Variants in ZNF195 observed in about 807,000 individuals in gnomAD.
The protein encoded by ZNF195 is zinc finger protein 195.
ZNF195 carries 11 observed loss-of-function variants against 19.5 expected under a neutral mutation model. The ratio of observed to expected loss-of-function variants is 0.57; its 90% CI spans 0.36 to 0.94. The LOEUF (loss-of-function observed/expected upper bound fraction) is 0.94, where lower values mean the gene tolerates loss of function less well. Ranked by LOEUF, ZNF195 falls within the 40% of genes least tolerant of loss-of-function variation. The pLI, the probability that ZNF195 is intolerant of heterozygous loss-of-function variation, is 0.01. For synonymous variants in ZNF195, 214 were observed against 248.1 expected (o/e 0.86, Z 1.29); for missense variants, 582 against 709.0 (o/e 0.82, Z 2.03).
chr11:3,376,943 AG>A (rs1184015320), intron 1 of ZNF195, among the ~76,000 whole-genome samples: 1 of 152,254 alleles, frequency 6.6e-6, no homozygotes, highest in African/African-American at 2.4e-5. Context: ...CATTCTCCAC[AG>A]CCATCCAAGA....
chr11:3,361,775 G>C lies in ZNF195; in HGVS notation c.341C>G (p.Pro114Arg). 7.9e-7 allele frequency: 1 copy of C among 1,261,042 alleles called. No individual in the cohort carries two copies. Among genetic ancestry groups the C allele is most frequent in the Non-Finnish European group, 1.1e-6 (1 of 949,928 alleles). 78.1% of individuals were successfully genotyped at this position (1,261,042 alleles called of 1,614,324 possible). ...GITGVNHRAQ[P>R]GLNVSVDKFT... ...TTTGTCCACAGAAACATTGAGGCCTGGCTGGGCACGGTGGTTCACACCTGT... is the reference window on the plus strand; with the variant it reads ...TTTGTCCACAGAAACATTGAGGCCTCGCTGGGCACGGTGGTTCACACCTGT... Residue 114 changes from proline to arginine, a missense_variant, in exon 4 of 6, where the codon CCA becomes CGA. Pro to Arg is a moderately radical substitution (Grantham distance 103). Coordinates refer to ENST00000399602, the MANE Select transcript of ZNF195 (RefSeq NM_001130520.3).
chr11:3,373,811 G>A, intron 1 of ZNF195: 1 of 572,886 alleles, frequency 1.7e-6, no homozygotes, highest in Admixed American at 3.1e-5. Context: ...TCTACATGGA[G>A]ATCAAAATGT....
At chr11:3,362,636 TCAAAGCTTATTATA>T (rs1360982143) in intron 3 of ZNF195, 1 of 541,466 alleles carries the variant, frequency 1.8e-6, no homozygotes, top group Non-Finnish European at 3.3e-6. Flanking sequence ...TTAAAAAGAG[TCAAAGCTTATTATA>T]CAAAGTACAA....
rs761024277 is a variant in ZNF195, at chr11:3,359,523, C to A, written c.1485G>T (p.Thr495=). ...TAAAGATGTTGCCACATTCTTCACA[C>A]GTGTAGGGTTTTTCTTCAGAATGAG... ...KRTHSEEKPY[T]CEECGNIFKQ... The change falls in exon 6 of 6, where the codon ACG becomes ACT. Residue 495 remains threonine (T), a synonymous_variant. Transcript: ENST00000399602. The surrounding 1 kb of genome is among the most constrained non-coding windows in gnomAD (Gnocchi z 5.5). 1 of 1,614,026 alleles carries A rather than the reference C, an allele frequency of 6.2e-7. No homozygotes were observed. Among genetic ancestry groups the A allele is most frequent in the South Asian group, 1.1e-5 (1 of 91,076 alleles).
intron 1 of ZNF195, among the ~76,000 whole-genome samples, chr11:3,375,852 T>C (rs1849436510): frequency 1.3e-5 from 2 of 152,172 alleles, no homozygotes; most frequent in African/African-American, 4.8e-5. Context: ...ATAGACCGTT[T>C]TGTCAGCCTG....
At chr11:3,378,883 G>A (rs1849607411) in intron 1 of ZNF195, among the ~76,000 whole-genome samples, 155 bp downstream of exon 1, 1 of 152,172 alleles carries the variant, frequency 6.6e-6, no homozygotes, top group South Asian at 2.1e-4. Flanking sequence ...GGATGCGCCG[G>A]GGCGCGCGGG....
rs1370312537 is a variant in ZNF195 at position 3,359,605 on chromosome 11, C to T, written c.1403G>A (p.Cys468Tyr). 11 of 1,613,802 alleles carry T rather than the reference C, an allele frequency of 6.8e-6. No homozygotes were observed. The highest frequency in any genetic ancestry group is 9.3e-6 in the Non-Finnish European group (11 of 1,179,984). ...TCTGAAGACCTTCCCACATTCTTCACATTGGTAGGGTTTCTCTCCGGTGTG... is the reference window on the plus strand; with the variant it reads ...TCTGAAGACCTTCCCACATTCTTCATATTGGTAGGGTTTCTCTCCGGTGTG... ...RIHTGEKPYQ[C>Y]EECGKVFRTC... Residue 468 changes from cysteine (C) to tyrosine (Y), a missense_variant, in exon 6 of 6, where the codon TGT becomes TAT. Around this residue, in one of 3 missense-constraint regions of ZNF195, gnomAD observed 407 missense variants for 530.5 expected, o/e 0.77. Transcript: ENST00000399602. The surrounding 1 kb of genome is among the most constrained non-coding windows in gnomAD (Gnocchi z 5.5).
At chr11:3,373,526 G>A in intron 1 of ZNF195, 1 of 1,410,078 alleles carries the variant, frequency 7.1e-7, no homozygotes, top group Non-Finnish European at 9.8e-7. Flanking sequence ...CTAAACACAT[G>A]ACATTTCAGG....
In ZNF195 at chr11:3,360,054, A is replaced by G. The variant is rs767993775; in HGVS notation, c.954T>C (p.Asn318=). 1.1e-5 allele frequency: 17 copies of G among 1,613,950 alleles called. No individual in the cohort carries two copies. Among genetic ancestry groups the G allele is most frequent in the African/African-American group, 5.3e-5 (4 of 74,912 alleles). Residue 318 remains asparagine, a synonymous_variant, in exon 6 of 6, where the codon AAT becomes AAC. Transcript: ENST00000399602. The part of the protein sequence containing the change: ...VIKTCSVLTK[N]RIYAGGEHYR... ...AATGTTCCCCTCCGGCATAAATTCT[A>G]TTTTTAGTAAGGACTGAGCAAGTTT...
At chr11:3,376,218 CTGGCG>C (rs1246124196) in intron 1 of ZNF195, among the ~76,000 whole-genome samples, 1 of 152,062 alleles carries the variant, frequency 6.6e-6, no homozygotes, top group Non-Finnish European at 1.5e-5. Context: ...TGTGAGCAGT[CTGGCG>C]CACCCGCAGG....
Position 3,371,911 on chromosome 11 carries a change from A to G in ZNF195, c.4-208T>C, listed in dbSNP as rs372300137. Among the ~76,000 whole-genome samples the G allele has an allele frequency of 9.2e-5, 14 of 152,368 alleles. No individual in the cohort carries two copies. The East Asian group carries it at 1.5e-3, about 17-fold the overall frequency. On this transcript the variant is annotated intron_variant, in intron 1 of 5. Coordinates refer to ENST00000399602, the MANE Select transcript of ZNF195 (RefSeq NM_001130520.3). ...AATACTTTTCTGGTTGATAACAAGT[A>G]TAACATTAAGGGCATCAACAAAGGC...
chr11:3,361,720 G>C (rs573773276), intron 4 of ZNF195, 23 bp downstream of exon 4: 1 of 1,300,426 alleles, frequency 7.7e-7, no homozygotes, highest in African/African-American at 1.5e-5. Context: ...TGAAAAGCAA[G>C]GTACATGCTC....
chr11:3,360,843 C>G (rs1429766804), intron 4 of ZNF195, 55 bp from the exon 5 acceptor site: 2 of 1,463,288 alleles, frequency 1.4e-6, no homozygotes, highest in Non-Finnish European at 1.9e-6. Context: ...CTGCAGCCCC[C>G]GCTCCTCCGC....
chr11:3,362,843 A>G (rs978589054), intron 3 of ZNF195: 1 of 248,424 alleles, frequency 4.0e-6, no homozygotes, highest in African/African-American at 2.2e-5. Flanking sequence ...CCTACAAGAG[A>G]TTCACTTGAG....
At chr11:3,378,948 C>G in intron 1 of ZNF195, 90 bp downstream of exon 1, 1 of 1,300,338 alleles carries the variant, frequency 7.7e-7, no homozygotes, top group East Asian at 3.1e-5. Flanking sequence ...GCCCGGAACC[C>G]ACCCGGGCAG....
At position 3,358,017 on chromosome 11, in the gene ZNF195, G is replaced by A. The variant is rs1848460622; in HGVS notation, c.*1101C>T. 1 of 152,082 alleles carries A rather than the reference G, an allele frequency of 6.6e-6. No individual in the cohort carries two copies. Among genetic ancestry groups the A allele is most frequent in the South Asian group, 2.1e-4 (1 of 4,806 alleles). The allele number at this position is 152,082 out of a possible 1,614,324, so 9.4% of individuals were successfully genotyped here. ...TACAGACTATAGCAGGTTTTTATAGGGCCAGAACTAGGTCGGGGTGCGGGA... is the reference window on the plus strand; with the variant it reads ...TACAGACTATAGCAGGTTTTTATAGAGCCAGAACTAGGTCGGGGTGCGGGA... On this transcript the variant is annotated 3_prime_UTR_variant, in exon 6 of 6. Transcript: ENST00000399602.
chr11:3,368,077 A>AAAACAAACAAACAAAC (rs111331503), intron 3 of ZNF195, among the ~76,000 whole-genome samples: 29 of 150,956 alleles, frequency 1.9e-4, no homozygotes, highest in Admixed American at 5.3e-4. Flanking sequence ...ACTCTATCTC[A>AAAACAAACAAACAAAC]AAACAAACAA....
chr11:3,364,373 T>C (rs1357089206), intron 3 of ZNF195, among the ~76,000 whole-genome samples: 2 of 152,124 alleles, frequency 1.3e-5, no homozygotes, highest in Non-Finnish European at 2.9e-5. Context: ...TATAAAACCA[T>C]ATGAAAATAT....
At chr11:3,367,652 C>T (rs1848967906) in intron 3 of ZNF195, among the ~76,000 whole-genome samples, 2 of 151,922 alleles carry the variant, frequency 1.3e-5, no homozygotes, top group Admixed American at 1.3e-4. Context: ...CCTTATATTT[C>T]TAAATAAAGA....
Sources: allele counts gnomAD v4.1 joint callset (sites outside exome capture counted in the v4.1 genomes callset), GRCh38; gene constraint gnomAD v4.1.1; regional missense constraint gnomAD v4.1.1; non-coding constraint Gnocchi (gnomAD v3.1); transcripts MANE v1.5; gene names NCBI Gene and HGNC (gene_info 2026-07-23, HGNC 2026-07-21).